NOVA2: variants seen among roughly 807,000 people sequenced by gnomAD.
NOVA2 encodes RNA-binding protein Nova-2.
NOVA2 carries 9 observed loss-of-function variants against 22.5 expected under a neutral mutation model. The ratio of observed to expected loss-of-function variants is 0.40; its 90% CI spans 0.24 to 0.70. The LOEUF is 0.70. Ranked by LOEUF, NOVA2 falls within the 30% of genes least tolerant of loss-of-function variation. NOVA2 has a pLI of 0.38. For missense variants in NOVA2, 383 were observed against 682.8 expected (o/e 0.56, Z 4.89); for synonymous variants, 318 against 335.2 (o/e 0.95, Z 0.56).
intron 3 of NOVA2, among the ~76,000 whole-genome samples, chr19:45,944,713 T>C (rs140597733): frequency 4.6e-5 from 7 of 152,324 alleles, no homozygotes; most frequent in Non-Finnish European, 8.8e-5. Context: ...TGAGTTCATT[T>C]ACATAAATGT....
intron 3 of NOVA2, among the ~76,000 whole-genome samples, chr19:45,946,600 A>G (rs575425400): frequency 2.2e-4 from 34 of 152,242 alleles, no homozygotes; most frequent in South Asian, 1.0e-3. Context: ...TCAGCCAGGC[A>G]CGGTGGCTCA....
chr19:45,958,618 CGTGTGTGA>C (rs1251495255), intron 2 of NOVA2, among the ~76,000 whole-genome samples: 3 of 148,328 alleles, frequency 2.0e-5, no homozygotes, highest in Non-Finnish European at 3.0e-5. Context: ...TGCGTGTCAG[CGTGTGTGA>C]GTGTGAGCGT....
chr19:45,950,063 T>G (rs1967900839), intron 3 of NOVA2, among the ~76,000 whole-genome samples: 1 of 151,834 alleles, frequency 6.6e-6, no homozygotes, highest in African/African-American at 2.4e-5. Context: ...CTTTAGTAAC[T>G]GTGTGACCTT....
chr19:45,942,687 T>C (rs1967777942), intron 3 of NOVA2, among the ~76,000 whole-genome samples: 1 of 152,116 alleles, frequency 6.6e-6, no homozygotes, highest in African/African-American at 2.4e-5. Flanking sequence ...GATGAAGAAG[T>C]TGGTCATTTG....
At chr19:45,955,113 CAAA>C (rs1032860762) in intron 2 of NOVA2, among the ~76,000 whole-genome samples, 4 of 152,136 alleles carry the variant, frequency 2.6e-5, no homozygotes, top group Admixed American at 6.6e-5. Context: ...GAGAAAGAAA[CAAA>C]AGAATCTCAC....
chr19:45,954,031 G>T, intron 2 of NOVA2, 85 bp from the exon 3 acceptor site: 2 of 1,452,728 alleles, frequency 1.4e-6, no homozygotes, highest in Middle Eastern at 1.9e-4. Context: ...AATGGAAGAG[G>T]CAAGCTGAGG....
chr19:45,954,990 G>A (rs991399529), intron 2 of NOVA2, among the ~76,000 whole-genome samples: 4 of 151,932 alleles, frequency 2.6e-5, no homozygotes, highest in African/African-American at 7.3e-5. Flanking sequence ...CAGTGATTCC[G>A]GTGAAGATGT....
intron 2 of NOVA2, among the ~76,000 whole-genome samples, chr19:45,960,203 A>AGACAGACAAGCAGG (rs1452447748): frequency 6.6e-6 from 1 of 151,822 alleles, no homozygotes; most frequent in Non-Finnish European, 1.5e-5. Flanking sequence ...AGGAAGGGAG[A>AGACAGACAAGCAGG]GGCAGAAAGA....
In NOVA2 at chr19:45,939,773, C is replaced by A. The variant is rs572530689; in HGVS notation, c.*90G>T. 3 of 1,537,678 alleles carry A rather than the reference C, an allele frequency of 2.0e-6. No homozygotes were observed. The South Asian group carries it at 3.5e-5, about 18-fold the overall frequency. ...CCATCCCAAGAGGAGCAGGACTACACCAAGCTGAGGTCAGGAGTTGGGGGG... is the reference window on the plus strand; with the variant it reads ...CCATCCCAAGAGGAGCAGGACTACAACAAGCTGAGGTCAGGAGTTGGGGGG... On this transcript the variant is annotated 3_prime_UTR_variant, in exon 4 of 4. Coordinates refer to ENST00000263257, the MANE Select transcript of NOVA2 (RefSeq NM_002516.4).
intron 2 of NOVA2, among the ~76,000 whole-genome samples, chr19:45,958,857 G>A (rs753862281): frequency 1.3e-5 from 2 of 152,148 alleles, no homozygotes; most frequent in African/African-American, 2.4e-5. Flanking sequence ...CTACTGCTCT[G>A]GTCGTCTCTT....
At chr19:45,963,271 C>T (rs1007525213) in intron 1 of NOVA2, among the ~76,000 whole-genome samples, 1 of 151,380 alleles carries the variant, frequency 6.6e-6, no homozygotes, top group Non-Finnish European at 1.5e-5. Flanking sequence ...CCCAGCTACT[C>T]GGGAGGCTGA....
At chr19:45,953,650 G>A (rs978573062) in intron 3 of NOVA2, 130 bp downstream of exon 3, 5 of 1,100,380 alleles carry the variant, frequency 4.5e-6, no homozygotes, top group Non-Finnish European at 4.1e-6. Flanking sequence ...CCACTACCAT[G>A]TGGTCTTTGA....
intron 1 of NOVA2, among the ~76,000 whole-genome samples, chr19:45,970,575 C>A (rs1968220810): frequency 6.6e-6 from 1 of 152,014 alleles, no homozygotes. Context: ...GGGGTCTCAC[C>A]ATGTTGGCCA....
rs1967675238 is a variant in NOVA2, at chr19:45,937,637, G to T, written c.*2226C>A. The T allele has an allele frequency of 6.6e-6, 1 of 152,084 alleles. No individual in the cohort carries two copies. Among genetic ancestry groups the T allele is most frequent in the South Asian group, 2.1e-4 (1 of 4,832 alleles). 9.4% of individuals were successfully genotyped at this position (152,084 alleles called of 1,614,324 possible). ...GCACTCAGATCTCCATCTGGGTTCAGTCTGGAGATTAGGGGTGGGGCAACA... is the reference window on the plus strand; with the variant it reads ...GCACTCAGATCTCCATCTGGGTTCATTCTGGAGATTAGGGGTGGGGCAACA... On this transcript the variant is annotated 3_prime_UTR_variant, in exon 4 of 4. Transcript: ENST00000263257.
intron 2 of NOVA2, among the ~76,000 whole-genome samples, chr19:45,959,245 C>G (rs1291448004): frequency 1.4e-4 from 21 of 152,086 alleles, no homozygotes. Context: ...GGGGCTGTGT[C>G]CTGCTTCTCT....
intron 2 of NOVA2, among the ~76,000 whole-genome samples, chr19:45,956,464 T>G (rs899258233): frequency 1.9e-5 from 2 of 103,600 alleles, no homozygotes; most frequent in Non-Finnish European, 4.0e-5. Context: ...GGCACCATTC[T>G]AAGCACTTTT....
intron 2 of NOVA2, among the ~76,000 whole-genome samples, chr19:45,959,435 T>C (rs925766562): frequency 9.2e-5 from 14 of 152,142 alleles, no homozygotes; most frequent in African/African-American, 3.1e-4. Context: ...CTGCCTGGCC[T>C]GTGGGGTGTG....
rs562395045 is a variant in NOVA2 at position 45,958,618 on chromosome 19, CGT to C, written c.229+2390_229+2391del. Among the ~76,000 whole-genome samples, 226 of 148,444 alleles carry C rather than the reference CGT, an allele frequency of 1.5e-3. 1 individual carries two copies. Among genetic ancestry groups the C allele is most frequent in the Admixed American group, 2.7e-3 (40 of 14,858 alleles). On this transcript the variant is annotated intron_variant, in intron 2 of 3. Transcript: ENST00000263257. ...GTGAGCATGACAGTGTGCGTGTCAG[CGT>C]GTGTGAGTGTGAGCGTGTGAGACTG...
At chr19:45,958,110 C>CAAAA (rs33945455) in intron 2 of NOVA2, among the ~76,000 whole-genome samples, 26 of 87,622 alleles carry the variant, frequency 3.0e-4, no homozygotes, top group African/African-American at 7.3e-4. Context: ...GACTCCGTCT[C>CAAAA]AAAAAAAAAA....
Sources: allele counts gnomAD v4.1 joint callset (sites outside exome capture counted in the v4.1 genomes callset), GRCh38; gene constraint gnomAD v4.1.1; transcripts MANE v1.5; gene names NCBI Gene and HGNC (gene_info 2026-07-23, HGNC 2026-07-21).